COL16A1: variants seen among roughly 807,000 people sequenced by gnomAD.
COL16A1 encodes the protein collagen alpha-1(XVI) chain.
A neutral mutation model predicts 266.3 loss-of-function variants in COL16A1; 189 were observed. That is an observed-to-expected ratio of 0.71 (90% CI 0.63 to 0.80). The LOEUF (loss-of-function observed/expected upper bound fraction) is 0.80. COL16A1 is among the 30% of genes least tolerant of loss of function. The pLI, the probability that COL16A1 is intolerant of heterozygous loss-of-function variation, is 0.00. For missense variants in COL16A1, 1,928 were observed against 2,122.4 expected (o/e 0.91, Z 1.80); for synonymous variants, 740 against 782.3 (o/e 0.95, Z 0.90).
At position 31,680,071 on chromosome 1, in the gene COL16A1, G is replaced by A. The variant is rs1418532602; in HGVS notation, c.2641C>T (p.Gln881Ter). 6.2e-7 allele frequency: 1 copy of A among 1,613,956 alleles called. No homozygotes were observed. Among genetic ancestry groups the A allele is most frequent in the South Asian group, 1.1e-5 (1 of 91,036 alleles). ...ATGCCAGAGAAGATGAGGTCTCCTT[G>A]AGAGGGGCAGGAGCACTCCCCTGGC... is the stretch of plus-strand genomic sequence containing the variant. ...GEPGECSCPS[Q>*]GDLIFSGMPG... Residue 881 changes from glutamine (Q) to a stop codon, truncating the protein, a stop_gained, in exon 40 of 71, where the codon CAA (glutamine) becomes TAA (stop). Coordinates refer to ENST00000373672, the MANE Select transcript of COL16A1 (RefSeq NM_001856.4). LOFTEE classifies it high-confidence loss of function.
At chr1:31,673,048 C>G in intron 44 of COL16A1, 2 of 646,494 alleles carry the variant, frequency 3.1e-6, no homozygotes, top group Non-Finnish European at 5.7e-6. Context: ...TTTGAGTTTC[C>G]TCCAGGAAGA....
At position 31,652,789 on chromosome 1, in the gene COL16A1, G is replaced by A; in HGVS notation, c.4677C>T (p.Ile1559=). The part of the protein sequence containing the change: ...GATGPMGQQG[I]PGIPGPPGPM... The stretch of plus-strand genomic sequence containing the variant: ...GACCCGGGGGCCCAGGGATGCCAGG[G>A]ATGCCTTGCTGGCCCATTGGTCCTG... Residue 1559 remains isoleucine, a synonymous_variant, in exon 71 of 71, where the codon ATC becomes ATT. Coordinates refer to ENST00000373672, the MANE Select transcript of COL16A1 (RefSeq NM_001856.4). The surrounding 1 kb of genome is among the most constrained non-coding windows in gnomAD (Gnocchi z 4.8). 2 of 1,600,392 alleles carry A rather than the reference G, an allele frequency of 1.2e-6. No homozygotes were observed. Among genetic ancestry groups the A allele is most frequent in the Non-Finnish European group, 1.7e-6 (2 of 1,175,634 alleles).
At position 31,685,806 on chromosome 1, in the gene COL16A1, A is replaced by G. The variant is rs1360273580; in HGVS notation, c.1885-36T>C. 6.2e-7 allele frequency: 1 copy of G among 1,610,168 alleles called. No homozygotes were observed. The highest frequency in any genetic ancestry group is 8.5e-7 in the Non-Finnish European group (1 of 1,177,376). On this transcript the variant is annotated intron_variant, in intron 28 of 70. Coordinates refer to ENST00000373672, the MANE Select transcript of COL16A1 (RefSeq NM_001856.4). The surrounding 1 kb of genome is among the most constrained non-coding windows in gnomAD (Gnocchi z 4.0). ...AGGACATTGAGTTAGGGGGTCCCCC[A>G]GGCCCTAGTGCACTTGAGCGAGGTT...
rs775072372 is a variant in COL16A1 at position 31,668,792 on chromosome 1, T to C, written c.3249+10A>G. ...CCAGCCCTTTCCAGCCCCTGCCAGC[T>C]TCTTCTTACCGGCTCCCCCTTGTCT... On this transcript the variant is annotated intron_variant, in intron 50 of 70. Transcript: ENST00000373672. The surrounding 1 kb of genome is among the most constrained non-coding windows in gnomAD (Gnocchi z 5.8). 6.2e-7 allele frequency: 1 copy of C among 1,613,722 alleles called. No homozygotes were observed. Among genetic ancestry groups the C allele is most frequent in the East Asian group, 2.2e-5 (1 of 44,864 alleles).
At position 31,670,757 on chromosome 1, in the gene COL16A1, T is replaced by G. The variant is rs1642604300; in HGVS notation, c.3151-111A>C. Reference sequence around the variant, plus strand: ...ATGGGGAGAGGAGGTCATGGGAGTATTTTCAAGGCAGCTGGAAAAGAGACT... The same window carrying G: ...ATGGGGAGAGGAGGTCATGGGAGTAGTTTCAAGGCAGCTGGAAAAGAGACT... On this transcript the variant is annotated intron_variant, in intron 48 of 70. Transcript: ENST00000373672. The surrounding 1 kb of genome is among the most constrained non-coding windows in gnomAD (Gnocchi z 4.5). 1 of 856,908 alleles carries G rather than the reference T, an allele frequency of 1.2e-6. No homozygotes were observed. The highest frequency in any genetic ancestry group is 1.6e-6 in the Non-Finnish European group (1 of 613,206). 53.1% of individuals were successfully genotyped at this position (856,908 alleles called of 1,614,324 possible). A position where few individuals can be genotyped will look rare whatever the true frequency, so the allele number is the denominator to read the frequency against.
chr1:31,702,090 G>A lies in COL16A1; in HGVS notation c.73+31C>T, dbSNP rs112942121. On this transcript the variant is annotated intron_variant, in intron 2 of 70. Coordinates refer to ENST00000373672, the MANE Select transcript of COL16A1 (RefSeq NM_001856.4). ...ACCCCAGGATACCAGTTGCAGGCCT[G>A]TGATACTGTGACTCTCCTGTGTCAT... is the stretch of plus-strand genomic sequence containing the variant. 7,552 of 1,613,772 alleles carry A rather than the reference G, an allele frequency of 4.7e-3. 320 individuals are homozygous for A. In the African/African-American group the frequency reaches 0.089, roughly 19 times the overall value.
intron 68 of COL16A1, 42 bp from the exon 69 acceptor site, chr1:31,654,085 C>G (rs374845577): frequency 6.8e-5 from 108 of 1,577,434 alleles, no homozygotes; most frequent in Non-Finnish European, 9.1e-5. Context: ...CAGAGGGTCC[C>G]CCAGGGACTC....
At position 31,698,564 on chromosome 1, in the gene COL16A1, C is replaced by A. The variant is rs775527548; in HGVS notation, c.309G>T (p.Val103=). 1.2e-6 allele frequency: 2 copies of A among 1,614,062 alleles called. No individual in the cohort carries two copies. The highest frequency in any genetic ancestry group is 1.3e-5 in the African/African-American group (1 of 75,000). The change falls in exon 5 of 71, where the codon GTG becomes GTT. Residue 103 remains valine (V), a synonymous_variant. Transcript: ENST00000373672. This position sits in a 1 kb window ranked among gnomAD's most constrained non-coding sequence, Gnocchi z 4.1. ...TGTGTTTCTTCAGCAGTAGTGTCAG[C>A]ACCAGGGCAAACTCCTCCGGGAGAC... ...PRGLPEEFAL[V]LTLLLKKHTH... is the part of the protein sequence containing the mutation.
At chr1:31,681,780 C>A (rs1448366760) in intron 37 of COL16A1, among the ~76,000 whole-genome samples, 5 of 152,262 alleles carry the variant, frequency 3.3e-5, no homozygotes, top group Non-Finnish European at 5.9e-5. Flanking sequence ...GCCACCTTCA[C>A]ACGTGGGACT....
chr1:31,702,495 T>G (rs1304574324), intron 1 of COL16A1, among the ~76,000 whole-genome samples: 1 of 152,188 alleles, frequency 6.6e-6, no homozygotes, highest in African/African-American at 2.4e-5. Context: ...ACTGAAATAG[T>G]GTCCAGGCAG....
Position 31,658,590 on chromosome 1 carries a change from A to C in COL16A1, c.3931-13T>G. 6.3e-7 allele frequency: 1 copy of C among 1,593,922 alleles called. No individual in the cohort carries two copies. Among genetic ancestry groups the C allele is most frequent in the Non-Finnish European group, 8.5e-7 (1 of 1,170,886 alleles). On this transcript the variant is annotated splice_polypyrimidine_tract_variant and intron_variant, in intron 63 of 70. Transcript: ENST00000373672. Reference sequence around the variant, plus strand: ...CTCCTTTCAGACCCTAGAGAATAGGAAGGGGGACAGTGAGAGGGGAGGAAA... The same window carrying C: ...CTCCTTTCAGACCCTAGAGAATAGGCAGGGGGACAGTGAGAGGGGAGGAAA...
chr1:31,679,907 C>T, intron 40 of COL16A1, 56 bp from the exon 41 acceptor site: 15 of 1,524,714 alleles, frequency 9.8e-6, no homozygotes, highest in Non-Finnish European at 1.1e-5. Context: ...AACGTCTACA[C>T]CAAGCGCGGG....
At position 31,698,367 on chromosome 1, in the gene COL16A1, G is replaced by T; in HGVS notation, c.390+116C>A. On this transcript the variant is annotated intron_variant, in intron 5 of 70. Transcript: ENST00000373672. This position sits in a 1 kb window ranked among gnomAD's most constrained non-coding sequence, Gnocchi z 4.1. The stretch of plus-strand genomic sequence containing the variant: ...ACTGGTGGGCTGGGGACAGGCTTGA[G>T]GGTAGGCACAGGATGGAGCAGGGAG... The T allele has an allele frequency of 6.5e-7, 1 of 1,549,138 alleles. No homozygotes were observed. Among genetic ancestry groups the T allele is most frequent in the Non-Finnish European group, 8.8e-7 (1 of 1,142,774 alleles).
chr1:31,668,636 G>T lies in COL16A1; in HGVS notation c.3249+166C>A, dbSNP rs912976929. Among the ~76,000 whole-genome samples the T allele has an allele frequency of 6.6e-6, 1 of 152,136 alleles. No homozygotes were observed. The highest frequency in any genetic ancestry group is 1.5e-5 in the Non-Finnish European group (1 of 68,008). ...AGATCGGCCTCCTTTGCTCCTGGGG[G>T]AGTGTGGAAACCTCACACTGAGGGA... On this transcript the variant is annotated intron_variant, in intron 50 of 70. Transcript: ENST00000373672. The surrounding 1 kb of genome is among the most constrained non-coding windows in gnomAD (Gnocchi z 5.8).
chr1:31,696,783 G>A (rs1434325588), intron 8 of COL16A1, among the ~76,000 whole-genome samples, 180 bp downstream of exon 8: 1 of 152,214 alleles, frequency 6.6e-6, no homozygotes, highest in East Asian at 1.9e-4. Flanking sequence ...GGTGGCCAGT[G>A]GGCTGTCTCT....
chr1:31,693,161 G>T lies in COL16A1; in HGVS notation c.1009-7C>A. The T allele has an allele frequency of 6.2e-7, 1 of 1,600,728 alleles. No homozygotes were observed. Among genetic ancestry groups the T allele is most frequent in the Non-Finnish European group, 8.6e-7 (1 of 1,168,072 alleles). ...CCCGCTCACCTTTCCCTCCCTGAGAGTGAAACCAGAATGGAAGATAGGACC... is the reference window on the plus strand; with the variant it reads ...CCCGCTCACCTTTCCCTCCCTGAGATTGAAACCAGAATGGAAGATAGGACC... On this transcript the variant is annotated splice_polypyrimidine_tract_variant and splice_region_variant and intron_variant, in intron 12 of 70. Coordinates refer to ENST00000373672, the MANE Select transcript of COL16A1 (RefSeq NM_001856.4).
At chr1:31,701,292 C>T (rs575617565) in intron 2 of COL16A1, 3 of 982,942 alleles carry the variant, frequency 3.1e-6, no homozygotes, top group African/African-American at 1.7e-5. Flanking sequence ...CCCATCCCCC[C>T]CAGGGGACCC....
At position 31,700,609 on chromosome 1, in the gene COL16A1, C is replaced by T. The variant is rs1023156907; in HGVS notation, c.74-494G>A. On this transcript the variant is annotated intron_variant, in intron 2 of 70. Transcript: ENST00000373672. ...TGTGTGTTATGTACAATTATATGTA[C>T]GTGTCTGTACATGTGGGAGTTGTAG... 4.6e-5 allele frequency among the ~76,000 whole-genome samples: 7 copies of T among 152,328 alleles called. No individual in the cohort carries two copies. The East Asian group carries it at 9.6e-4, about 21-fold the overall frequency.
chr1:31,689,169 G>A (rs568803931), intron 23 of COL16A1, 84 bp from the exon 24 acceptor site: 50 of 1,603,768 alleles, frequency 3.1e-5, no homozygotes, highest in Non-Finnish European at 3.7e-5. Flanking sequence ...GGACAGCAAT[G>A]TCACACACGC....
Sources: gnomAD v4.1 joint callset for allele counts (sites outside exome capture counted in the v4.1 genomes callset) on GRCh38, gnomAD v4.1.1 for gene constraint, Gnocchi (gnomAD v3.1) non-coding constraint, MANE v1.5 for transcripts, NCBI Gene and HGNC (gene_info 2026-07-23, HGNC 2026-07-21) for gene names.